Variants in SV2C observed in about 807,000 individuals in gnomAD.
The protein encoded by SV2C is synaptic vesicle glycoprotein 2C, also known as solute carrier family 22 member B3.
In SV2C, 49 loss-of-function variants were observed where a neutral mutation model predicts 79.7. The ratio of observed to expected loss-of-function variants is 0.61; its 90% confidence interval spans 0.49 to 0.78. The LOEUF is 0.78. Among genes scored for constraint, SV2C ranks in the 30% least tolerant of loss-of-function variants. The probability of loss-of-function intolerance (pLI) is 0.00; values close to 1 mark genes in which losing one functional copy is unlikely to be tolerated. For missense variants in SV2C, 833 were observed against 912.9 expected (o/e 0.91, Z 1.13); for synonymous variants, 334 against 333.2 (o/e 1.00, Z -0.03).
the SV2C span, among the ~76,000 whole-genome samples, chr5:76,043,286 T>A: frequency 2.6e-5 from 4 of 152,158 alleles, no homozygotes; most frequent in Non-Finnish European, 5.9e-5. Context: ...AGTACCAGGA[T>A]TGGTCTGTGT....
the SV2C span, among the ~76,000 whole-genome samples, chr5:75,940,704 G>A: frequency 1.3e-5 from 2 of 152,172 alleles, no homozygotes; most frequent in African/African-American, 4.8e-5. Flanking sequence ...TAGGGGAAAG[G>A]GCAAATGATC....
At chr5:75,874,054 A>G in the SV2C span, among the ~76,000 whole-genome samples, 2 of 152,196 alleles carry the variant, frequency 1.3e-5, no homozygotes, top group African/African-American at 2.4e-5. Context: ...AATTCATTCT[A>G]TGAGGTCAGC....
At chr5:76,013,050 C>T in the SV2C span, among the ~76,000 whole-genome samples, 3 of 152,110 alleles carry the variant, frequency 2.0e-5, no homozygotes, top group Admixed American at 6.6e-5. Flanking sequence ...ATGCCTCCAG[C>T]TTTGTTCTTT....
chr5:76,280,237 C>A (rs761198827), intron 4 of SV2C, among the ~76,000 whole-genome samples: 73 of 151,882 alleles, frequency 4.8e-4, no homozygotes, highest in Non-Finnish European at 5.3e-4. Context: ...GAGAGAGAGA[C>A]ACCACCAGCA....
chr5:76,109,450 A>C (rs940829819), intron 1 of SV2C, among the ~76,000 whole-genome samples: 10 of 152,228 alleles, frequency 6.6e-5, no homozygotes, highest in African/African-American at 2.4e-4. Context: ...ATGTGGGTTC[A>C]TTTCATATAC....
At chr5:76,009,548 G>T in the SV2C span, among the ~76,000 whole-genome samples, 6 of 152,250 alleles carry the variant, frequency 3.9e-5, no homozygotes, top group African/African-American at 1.4e-4. Context: ...AAGAAAGTGT[G>T]GTACGTATAC....
At chr5:75,859,835 C>T in the SV2C span, among the ~76,000 whole-genome samples, 1 of 152,160 alleles carries the variant, frequency 6.6e-6, no homozygotes, top group South Asian at 2.1e-4. Flanking sequence ...ACAGAAACCG[C>T]CACTGCTATA....
intron 2 of SV2C, among the ~76,000 whole-genome samples, chr5:76,165,618 C>CTTT (rs70979377): frequency 7.9e-5 from 12 of 151,290 alleles, no homozygotes; most frequent in Non-Finnish European, 1.2e-4. Flanking sequence ...TTGAGATTGG[C>CTTT]TTTTTTTTTC....
At chr5:76,022,769 T>A in the SV2C span, among the ~76,000 whole-genome samples, 2 of 152,238 alleles carry the variant, frequency 1.3e-5, no homozygotes, top group African/African-American at 2.4e-5. Flanking sequence ...AAATACTTTT[T>A]TTCCCTTCAA....
At chr5:75,860,231 T>A in the SV2C span, among the ~76,000 whole-genome samples, 1 of 152,140 alleles carries the variant, frequency 6.6e-6, no homozygotes, top group African/African-American at 2.4e-5. Flanking sequence ...TCAGTTGCAG[T>A]TCTATACACC....
chr5:76,174,119 T>C (rs374683529), intron 2 of SV2C: 126 of 1,601,502 alleles, frequency 7.9e-5, no homozygotes, highest in Non-Finnish European at 1.0e-4. Flanking sequence ...TTGAACAAAT[T>C]GTACAGTCAA....
At chr5:75,905,447 A>G in the SV2C span, among the ~76,000 whole-genome samples, 1 of 152,350 alleles carries the variant, frequency 6.6e-6, no homozygotes, top group East Asian at 1.9e-4. Context: ...AACTGGAAAA[A>G]TAAATAGCAG....
intron 12 of SV2C, among the ~76,000 whole-genome samples, chr5:76,315,188 GCACACACA>G (rs10606819): frequency 1.4e-4 from 20 of 145,202 alleles, no homozygotes; most frequent in East Asian, 8.1e-4. Flanking sequence ...ATGGCCAGGC[GCACACACA>G]CACACACACA....
chr5:75,988,990 C>T, the SV2C span, among the ~76,000 whole-genome samples: 1 of 151,954 alleles, frequency 6.6e-6, no homozygotes, highest in East Asian at 1.9e-4. Context: ...ACTACAACCA[C>T]TTTCCTTTGT....
chr5:75,884,904 G>A, the SV2C span, among the ~76,000 whole-genome samples: 2 of 152,052 alleles, frequency 1.3e-5, no homozygotes, highest in Non-Finnish European at 2.9e-5. Context: ...TGAATCTTCA[G>A]AGTATAATTA....
the SV2C span, among the ~76,000 whole-genome samples, chr5:75,866,244 G>T: frequency 3.3e-5 from 5 of 151,726 alleles, no homozygotes. Flanking sequence ...GACTCAATTT[G>T]ATCTTTTCTT....
chr5:76,211,554 A>C (rs572833524), intron 4 of SV2C, among the ~76,000 whole-genome samples: 1 of 152,034 alleles, frequency 6.6e-6, no homozygotes, highest in South Asian at 2.1e-4. Flanking sequence ...GCAAAATAGG[A>C]ATACCGTATA....
the SV2C span, among the ~76,000 whole-genome samples, chr5:75,992,382 C>T: frequency 1.1e-4 from 17 of 152,074 alleles, 2 homozygotes; most frequent in South Asian, 2.9e-3. Flanking sequence ...TCACTTTGCA[C>T]GGTTTGGTAT....
intron 2 of SV2C, among the ~76,000 whole-genome samples, chr5:76,156,878 GA>G (rs1175199196): frequency 1.3e-5 from 2 of 151,764 alleles, no homozygotes; most frequent in African/African-American, 4.8e-5. Context: ...GCTGAAGAGA[GA>G]AAAAAATGAA....
Sources: allele counts gnomAD v4.1 joint callset (sites outside exome capture counted in the v4.1 genomes callset), GRCh38; gene constraint gnomAD v4.1.1; transcripts MANE v1.5; gene names NCBI Gene and HGNC (gene_info 2026-07-23, HGNC 2026-07-21).